Variants in CSGALNACT1 observed in about 807,000 individuals in gnomAD.
CSGALNACT1 encodes the protein chondroitin sulfate N-acetylgalactosaminyltransferase 1, also known as beta4GalNAcT-1.
In CSGALNACT1, 52 loss-of-function variants were observed where a neutral mutation model predicts 51.0. That is an observed-to-expected ratio of 1.02 (90% CI 0.82 to 1.29). The LOEUF is 1.29. CSGALNACT1 is among the 50% of genes most tolerant of loss of function. The pLI is 0.00. For synonymous variants in CSGALNACT1, 341 were observed against 254.4 expected (o/e 1.34, Z -3.24); for missense variants, 935 against 679.2 (o/e 1.38, Z -4.19).
intron 1 of CSGALNACT1, among the ~76,000 whole-genome samples, chr8:19,647,971 C>T (rs921266535): frequency 3.3e-5 from 5 of 152,182 alleles, no homozygotes; most frequent in African/African-American, 9.7e-5. Context: ...TAAGCCAAGG[C>T]ACTTCAAGGA....
intron 1 of CSGALNACT1, among the ~76,000 whole-genome samples, chr8:19,656,640 G>C (rs80009903): frequency 0.057 from 6,621 of 117,040 alleles, 230 homozygotes; most frequent in Middle Eastern, 0.08. Flanking sequence ...TCAAACATTA[G>C]AATTATCAAA....
At chr8:19,494,121 C>T (rs184454669) in intron 4 of CSGALNACT1, among the ~76,000 whole-genome samples, 19 of 152,272 alleles carry the variant, frequency 1.2e-4, no homozygotes, top group African/African-American at 4.1e-4. Context: ...GTAATCTTGG[C>T]CCTGCTTAAT....
intron 1 of CSGALNACT1, among the ~76,000 whole-genome samples, chr8:19,691,127 C>T (rs910755496): frequency 5.3e-5 from 8 of 152,136 alleles, no homozygotes; most frequent in African/African-American, 9.7e-5. Context: ...AAACTCTCTG[C>T]GGCTTATCAT....
chr8:19,683,807 AT>A (rs367931238), upstream of CSGALNACT1, among the ~76,000 whole-genome samples: 17,006 of 148,646 alleles, frequency 0.11, 1,037 homozygotes, highest in African/African-American at 0.13. Context: ...TCAAGAAAGT[AT>A]TTTTTTTTTT....
chr8:19,642,211 C>A (rs17128770), intron 1 of CSGALNACT1, among the ~76,000 whole-genome samples: 8,746 of 152,056 alleles, frequency 0.058, 302 homozygotes, highest in South Asian at 0.085. Flanking sequence ...TTTGTTTTTG[C>A]TGTAGGAAGG....
At chr8:19,543,906 T>G (rs957807385) in intron 3 of CSGALNACT1, among the ~76,000 whole-genome samples, 5 of 152,232 alleles carry the variant, frequency 3.3e-5, no homozygotes, top group Admixed American at 6.5e-5. Context: ...CAGTCGATCA[T>G]TAACATTTGT....
intron 3 of CSGALNACT1, among the ~76,000 whole-genome samples, chr8:19,551,387 C>G (rs1342844479): frequency 6.6e-6 from 1 of 152,134 alleles, no homozygotes; most frequent in Non-Finnish European, 1.5e-5. Context: ...AGGCCCTTAC[C>G]AACCCCTTCC....
At chr8:19,462,711 C>T (rs2065817918) in intron 4 of CSGALNACT1, among the ~76,000 whole-genome samples, 1 of 152,182 alleles carries the variant, frequency 6.6e-6, no homozygotes, top group Non-Finnish European at 1.5e-5. Flanking sequence ...TGCCTTGCAA[C>T]AGTCATTACA....
In CSGALNACT1 at chr8:19,690,805, C is replaced by T. The variant is rs913662366; in HGVS notation, c.-297+67045G>A. Among the ~76,000 whole-genome samples the T allele has an allele frequency of 5.9e-5, 9 of 152,226 alleles. No homozygotes were observed. The South Asian group carries it at 6.2e-4, about 11-fold the overall frequency. ...TCTTCCTAAGGACTACTTTGCTCAA[C>T]GGGTAATTTGGGAAATTAGAGTTTG... On this transcript the variant is annotated intron_variant, in intron 1 of 1. Coordinates refer to the CSGALNACT1 transcript ENST00000517494.
chr8:19,465,085 A>C (rs1269871156), intron 4 of CSGALNACT1, among the ~76,000 whole-genome samples: 1 of 152,188 alleles, frequency 6.6e-6, no homozygotes, highest in Non-Finnish European at 1.5e-5. Flanking sequence ...CAAAAGATAA[A>C]AACAACTCAC....
At chr8:19,620,794 G>A (rs756742531) in intron 1 of CSGALNACT1, among the ~76,000 whole-genome samples, 15 of 152,134 alleles carry the variant, frequency 9.9e-5, no homozygotes, top group Non-Finnish European at 1.5e-4. Context: ...TAAGGGTAGT[G>A]GGTGAGAAAG....
chr8:19,717,218 A>G (rs1222087457), intron 1 of CSGALNACT1, among the ~76,000 whole-genome samples: 3 of 152,242 alleles, frequency 2.0e-5, no homozygotes, highest in Non-Finnish European at 2.9e-5. Flanking sequence ...GTGCCTCTGC[A>G]GTCTCCATCT....
intron 2 of CSGALNACT1, among the ~76,000 whole-genome samples, chr8:19,600,321 C>T (rs1246064929): frequency 2.0e-5 from 3 of 152,172 alleles, no homozygotes; most frequent in African/African-American, 7.2e-5. Context: ...ACCTTGTGAT[C>T]CACCTGCTTC....
chr8:19,430,828 T>C (rs986426739), intron 6 of CSGALNACT1, among the ~76,000 whole-genome samples: 2 of 152,188 alleles, frequency 1.3e-5, no homozygotes, highest in African/African-American at 2.4e-5. Context: ...GGGATGTCTT[T>C]CCATTTATTT....
intron 1 of CSGALNACT1, among the ~76,000 whole-genome samples, chr8:19,639,753 G>A (rs767289030): frequency 6.6e-6 from 1 of 151,878 alleles, no homozygotes; most frequent in Non-Finnish European, 1.5e-5. Flanking sequence ...GCTCTGACCC[G>A]CTCCATGTCA....
intron 4 of CSGALNACT1, among the ~76,000 whole-genome samples, chr8:19,462,886 G>C: frequency 6.6e-6 from 1 of 151,942 alleles, no homozygotes; most frequent in East Asian, 1.9e-4. Flanking sequence ...CATGTTGCAG[G>C]GGTTTAGTGT....
At chr8:19,664,535 A>G (rs1341928130) in intron 1 of CSGALNACT1, among the ~76,000 whole-genome samples, 2 of 152,150 alleles carry the variant, frequency 1.3e-5, no homozygotes, top group African/African-American at 2.4e-5. Flanking sequence ...CTGCCCTCCT[A>G]TGTTTATCCC....
chr8:19,618,296 C>T (rs1032852239), intron 1 of CSGALNACT1, among the ~76,000 whole-genome samples: 1 of 152,058 alleles, frequency 6.6e-6, no homozygotes, highest in Non-Finnish European at 1.5e-5. Context: ...AATTATGACA[C>T]AGAGGACTAT....
At chr8:19,696,950 C>T (rs1029145097) in intron 1 of CSGALNACT1, among the ~76,000 whole-genome samples, 5 of 152,104 alleles carry the variant, frequency 3.3e-5, no homozygotes, top group Admixed American at 3.3e-4. Context: ...AGCAACCCCA[C>T]GTGATTTGGT....
Sources: gnomAD v4.1 joint callset for allele counts (sites outside exome capture counted in the v4.1 genomes callset) on GRCh38, gnomAD v4.1.1 for gene constraint, MANE v1.5 for transcripts, NCBI Gene and HGNC (gene_info 2026-07-23, HGNC 2026-07-21) for gene names.